ESRRG: variants seen among roughly 807,000 people sequenced by gnomAD.
The protein encoded by ESRRG is estrogen-related receptor gamma.
In ESRRG, 13 loss-of-function variants were observed where a neutral mutation model predicts 44.0. The observed-to-expected ratio is 0.30, with a 90% CI of 0.19 to 0.47. ESRRG has a LOEUF of 0.47. Among genes scored for constraint, ESRRG ranks in the 20% least tolerant of loss-of-function variants. ESRRG has a pLI of 1.00. For synonymous variants in ESRRG, 215 were observed against 214.6 expected (o/e 1.00, Z -0.02); for missense variants, 395 against 580.6 (o/e 0.68, Z 3.29).
chr1:216,559,048 T>C (rs2058174841), intron 5 of ESRRG, among the ~76,000 whole-genome samples: 2 of 152,046 alleles, frequency 1.3e-5, no homozygotes, highest in African/African-American at 2.4e-5. Flanking sequence ...TTTTATACTT[T>C]TAGTAGAGAC....
chr1:216,888,378 A>T (rs770148295), intron 2 of ESRRG, among the ~76,000 whole-genome samples: 1 of 152,226 alleles, frequency 6.6e-6, no homozygotes. Context: ...CTTTAGAAAA[A>T]GGAATTTCAA....
chr1:216,837,270 G>C (rs1244124934), intron 2 of ESRRG, among the ~76,000 whole-genome samples: 1 of 151,958 alleles, frequency 6.6e-6, no homozygotes, highest in African/African-American at 2.4e-5. Context: ...AATTAGCCAG[G>C]CGTGGTGGTG....
intron 3 of ESRRG, among the ~76,000 whole-genome samples, chr1:216,579,835 A>G (rs2062398014): frequency 1.3e-5 from 2 of 152,172 alleles, no homozygotes; most frequent in African/African-American, 4.8e-5. Context: ...TCCCTCATGT[A>G]GAAGGAGGCA....
intron 2 of ESRRG, among the ~76,000 whole-genome samples, chr1:216,655,833 T>A (rs1381237053): frequency 1.3e-5 from 2 of 152,194 alleles, no homozygotes; most frequent in Non-Finnish European, 2.9e-5. Context: ...TGTTGTTGGC[T>A]ATGATCACCC....
chr1:216,842,212 T>C (rs761308184), intron 2 of ESRRG, among the ~76,000 whole-genome samples: 11 of 152,336 alleles, frequency 7.2e-5, no homozygotes, highest in Non-Finnish European at 1.2e-4. Flanking sequence ...CCTAGTTCTA[T>C]ATGAAGTTCT....
chr1:216,605,463 G>T (rs1229850452), intron 3 of ESRRG, among the ~76,000 whole-genome samples: 1 of 151,946 alleles, frequency 6.6e-6, no homozygotes, highest in Non-Finnish European at 1.5e-5. Context: ...TTTAGAAAAG[G>T]GTATGAGAAT....
intron 3 of ESRRG, among the ~76,000 whole-genome samples, chr1:216,602,092 A>C (rs975314080): frequency 1.3e-5 from 2 of 152,232 alleles, no homozygotes; most frequent in Non-Finnish European, 2.9e-5. Context: ...TGTTCTACTT[A>C]AATTCCTCAA....
At chr1:216,567,429 G>A (rs1313919432) in intron 4 of ESRRG, among the ~76,000 whole-genome samples, 2 of 152,134 alleles carry the variant, frequency 1.3e-5, no homozygotes, top group Admixed American at 1.3e-4. Flanking sequence ...GGGCATCTCA[G>A]ATGGAACCAG....
chr1:216,717,674 T>C (rs1446783073), intron 1 of ESRRG, among the ~76,000 whole-genome samples: 1 of 151,844 alleles, frequency 6.6e-6, no homozygotes, highest in African/African-American at 2.4e-5. Context: ...CAACAGTCAT[T>C]TACTAAGTAA....
At chr1:216,859,827 A>G (rs1210814008) in intron 2 of ESRRG, among the ~76,000 whole-genome samples, 2 of 152,246 alleles carry the variant, frequency 1.3e-5, no homozygotes, top group Admixed American at 1.3e-4. Flanking sequence ...AATATCCAAC[A>G]TATGAGAAGA....
chr1:216,565,304 T>C (rs1418456975), intron 4 of ESRRG, among the ~76,000 whole-genome samples: 1 of 152,200 alleles, frequency 6.6e-6, no homozygotes, highest in African/African-American at 2.4e-5. Context: ...TATTTTCAAT[T>C]TCTATATGTA....
At chr1:216,628,931 ACT>A (rs2063637667) in intron 3 of ESRRG, among the ~76,000 whole-genome samples, 1 of 152,030 alleles carries the variant, frequency 6.6e-6, no homozygotes, top group East Asian at 1.9e-4. Context: ...AAGGAGCAAA[ACT>A]CTCTCTCAGC....
intron 2 of ESRRG, chr1:216,863,095 G>A (rs1000920189): frequency 1.3e-5 from 2 of 152,176 alleles, no homozygotes; most frequent in Admixed American, 6.5e-5. Flanking sequence ...ATACCCATCA[G>A]AATTGCCTGG....
intron 1 of ESRRG, among the ~76,000 whole-genome samples, chr1:216,704,314 G>C (rs2082036312): frequency 6.6e-6 from 1 of 152,132 alleles, no homozygotes; most frequent in African/African-American, 2.4e-5. Flanking sequence ...AGGCGTTCAA[G>C]ACCAGCCTGG....
intron 5 of ESRRG, among the ~76,000 whole-genome samples, chr1:216,538,233 C>T (rs1037392931): frequency 3.5e-5 from 5 of 141,984 alleles, no homozygotes; most frequent in African/African-American, 1.4e-4. Flanking sequence ...TTGGCAAATA[C>T]TTGGTTTTTA....
intron 2 of ESRRG, among the ~76,000 whole-genome samples, chr1:216,913,937 A>T (rs2060810578): frequency 6.6e-6 from 1 of 152,200 alleles, no homozygotes; most frequent in Non-Finnish European, 1.5e-5. Flanking sequence ...GAAAATTTTT[A>T]AAAATCAATG....
chr1:216,534,913 G>T (rs1313411211), intron 5 of ESRRG, among the ~76,000 whole-genome samples: 1 of 152,058 alleles, frequency 6.6e-6, no homozygotes, highest in African/African-American at 2.4e-5. Flanking sequence ...TCTGCAATGT[G>T]GCTTATCCCA....
chr1:216,601,426 A>G (rs1451726630), intron 3 of ESRRG, among the ~76,000 whole-genome samples: 1 of 152,210 alleles, frequency 6.6e-6, no homozygotes, highest in Non-Finnish European at 1.5e-5. Context: ...TAGAAAAGAA[A>G]GCTGGAGGGA....
intron 1 of ESRRG, among the ~76,000 whole-genome samples, chr1:216,681,547 A>T (rs1339783124): frequency 1.3e-5 from 2 of 152,170 alleles, no homozygotes; most frequent in Non-Finnish European, 2.9e-5. Context: ...AGGACTTTAA[A>T]AAGCATTTCA....
Sources: gnomAD v4.1 joint callset for allele counts (sites outside exome capture counted in the v4.1 genomes callset) on GRCh38, gnomAD v4.1.1 for gene constraint, MANE v1.5 for transcripts, NCBI Gene and HGNC (gene_info 2026-07-23, HGNC 2026-07-21) for gene names.